Variants in ARHGAP32 observed in about 807,000 individuals in gnomAD.
The protein encoded by ARHGAP32 is Rho GTPase activating protein 32.
ARHGAP32 carries 51 observed loss-of-function variants against 186.5 expected under a neutral mutation model. That is an observed-to-expected ratio of 0.27 (90% CI 0.22 to 0.35). The LOEUF (loss-of-function observed/expected upper bound fraction) is 0.35, where lower values mean the gene tolerates loss of function less well. Ranked by LOEUF, ARHGAP32 falls within the 10% of genes least tolerant of loss-of-function variation. The pLI, the probability that ARHGAP32 is intolerant of heterozygous loss-of-function variation, is 1.00. For missense variants in ARHGAP32, 2,186 were observed against 2,623.5 expected, an observed-to-expected ratio of 0.83 and a Z score of 3.64; for synonymous variants, 950 against 964.3, an observed-to-expected ratio of 0.99 and a Z score of 0.27.
At chr11:128,972,358 T>G in intron 22 of ARHGAP32, 95 bp downstream of exon 22, 1 of 1,373,582 alleles carries the variant, frequency 7.3e-7, no homozygotes, top group South Asian at 1.8e-5. Flanking sequence ...AAGTAATTGT[T>G]GTGTCTGACT....
intron 1 of ARHGAP32, among the ~76,000 whole-genome samples, chr11:129,211,409 T>C (rs10893994): frequency 0.19 from 29,632 of 152,138 alleles, 3,083 homozygotes; most frequent in Non-Finnish European, 0.23. Flanking sequence ...ATTTACTATA[T>C]ATTCCTTTAG....
intron 1 of ARHGAP32, among the ~76,000 whole-genome samples, chr11:129,231,771 T>C (rs1944861821): frequency 6.6e-6 from 1 of 151,978 alleles, no homozygotes; most frequent in Admixed American, 6.6e-5. Flanking sequence ...ATGCCGGTAA[T>C]CCTAGCACTT....
chr11:129,174,127 G>A (rs192170434), intron 1 of ARHGAP32, among the ~76,000 whole-genome samples: 10 of 152,316 alleles, frequency 6.6e-5, no homozygotes, highest in East Asian at 5.8e-4. Flanking sequence ...TGCCTCACTC[G>A]GGAAGCGCAG....
At chr11:129,067,839 G>A (rs1940745683) in intron 6 of ARHGAP32, among the ~76,000 whole-genome samples, 1 of 152,026 alleles carries the variant, frequency 6.6e-6, no homozygotes, top group South Asian at 2.1e-4. Flanking sequence ...ATGAGAGGGT[G>A]CTGATTTCTA....
intron 1 of ARHGAP32, among the ~76,000 whole-genome samples, chr11:129,186,873 G>GC: frequency 6.6e-6 from 1 of 152,282 alleles, no homozygotes; most frequent in South Asian, 2.1e-4. Flanking sequence ...ACAAATGCCG[G>GC]CAACAATGTG....
chr11:128,995,543 T>C (rs1256424001), intron 12 of ARHGAP32, among the ~76,000 whole-genome samples: 1 of 152,356 alleles, frequency 6.6e-6, no homozygotes, highest in African/African-American at 2.4e-5. Flanking sequence ...TCAACATTTA[T>C]AGAACATTCC....
chr11:129,123,740 TA>T lies in ARHGAP32; in HGVS notation c.359+147del. The T allele has an allele frequency of 1.6e-5, 12 of 747,902 alleles. No individual in the cohort carries two copies. The highest frequency in any genetic ancestry group is 1.9e-5 in the South Asian group (1 of 53,688). The allele number at this position is 747,902 out of a possible 1,614,324, so 46.3% of individuals were successfully genotyped here. A position where few individuals can be genotyped will look rare whatever the true frequency, so the allele number is the denominator to read the frequency against. On this transcript the variant is annotated intron_variant, in intron 4 of 22. Coordinates refer to ENST00000682385, the MANE Select transcript of ARHGAP32 (RefSeq NM_001378024.1). The surrounding 1 kb of genome is among the most constrained non-coding windows in gnomAD (Gnocchi z 4.6). ...TTAGTGTACAGATCAAAACCCAAAATAAAAAAAGCATCACCGTTATCTCCTA... is the reference window on the plus strand; with the variant it reads ...TTAGTGTACAGATCAAAACCCAAAATAAAAAAGCATCACCGTTATCTCCTA...
intron 11 of ARHGAP32, among the ~76,000 whole-genome samples, chr11:129,029,801 C>CAAAAAAAAAAAA (rs34762356): frequency 4.3e-5 from 2 of 46,944 alleles, no homozygotes; most frequent in African/African-American, 2.2e-4. Flanking sequence ...GACTCCGTCT[C>CAAAAAAAAAAAA]AAAAAAAAAA....
chr11:129,166,723 G>T (rs1269907506), intron 1 of ARHGAP32, among the ~76,000 whole-genome samples: 1 of 150,796 alleles, frequency 6.6e-6, no homozygotes, highest in Non-Finnish European at 1.5e-5. Context: ...ACCACCAAGA[G>T]ACTGCAATAA....
chr11:129,088,994 T>TGAAAAAAAAAAAAAAAAAAAAA (rs1565416702), intron 6 of ARHGAP32, among the ~76,000 whole-genome samples: 1 of 65,572 alleles, frequency 1.5e-5, no homozygotes. Flanking sequence ...AGAGACCTTG[T>TGAAAAAAAAAAAAAAAAAAAAA]CAAAAAAAAA....
At chr11:129,251,464 A>C (rs1259600050) in intron 1 of ARHGAP32, among the ~76,000 whole-genome samples, 1 of 152,188 alleles carries the variant, frequency 6.6e-6, no homozygotes, top group African/African-American at 2.4e-5. Context: ...ACAGAAAATG[A>C]CATCTAAGTT....
rs2136062417 is a variant in ARHGAP32 at position 128,970,196 on chromosome 11, A to G, written c.5017T>C (p.Ser1673Pro). 3 of 1,614,192 alleles carry G rather than the reference A, an allele frequency of 1.9e-6. No individual in the cohort carries two copies. In the East Asian group the frequency reaches 6.7e-5, roughly 36 times the overall value. ...RYSPYSSSSS[S>P]YYSPDGALCD... ...AGGGCCCCATCTGGACTGTAATAGG[A>G]ACTAGAAGAACTGGAATATGGGCTA... is the stretch of plus-strand genomic sequence containing the variant. Residue 1673 changes from serine to proline, a missense_variant, in exon 23 of 23, where the codon TCC (serine) becomes CCC (proline). This residue lies in a region of ARHGAP32 where 1,502 missense variants were observed against 1,570.0 expected (regional missense o/e 0.96). Transcript: ENST00000682385. The surrounding 1 kb of genome is among the most constrained non-coding windows in gnomAD (Gnocchi z 5.8).
rs902506469 is a variant in ARHGAP32 at position 128,969,445 on chromosome 11, T to C, written c.5768A>G (p.Lys1923Arg). 8.1e-6 allele frequency: 13 copies of C among 1,614,062 alleles called. No homozygotes were observed. Among genetic ancestry groups the C allele is most frequent in the Non-Finnish European group, 1.1e-5 (13 of 1,180,040 alleles). The change falls in exon 23 of 23, where the codon AAA becomes AGA. Residue 1923 changes from lysine to arginine, a missense_variant. This residue lies in a region of ARHGAP32 where 1,502 missense variants were observed against 1,570.0 expected (regional missense o/e 0.96). Transcript: ENST00000682385. This position sits in a 1 kb window ranked among gnomAD's most constrained non-coding sequence, Gnocchi z 4.8. ...TGGCTCAGAAGTGTCTGGAATCCCT[T>C]TGGACCCATAATCTAACTGGCCAGC... is the stretch of plus-strand genomic sequence containing the variant. Reference protein sequence around the residue: ...QGAGQLDYGSKGIPDTSEPVS... With the variant: ...QGAGQLDYGSRGIPDTSEPVS...
intron 2 of ARHGAP32, among the ~76,000 whole-genome samples, chr11:129,141,362 A>G (rs1028975058): frequency 6.6e-6 from 1 of 152,160 alleles, no homozygotes; most frequent in Non-Finnish European, 1.5e-5. Context: ...TGAGCAAACT[A>G]TTGCAAGGGA....
intron 12 of ARHGAP32, 38 bp downstream of exon 12, chr11:128,998,281 A>G: frequency 6.8e-7 from 1 of 1,475,188 alleles, no homozygotes; most frequent in Non-Finnish European, 9.1e-7. Context: ...TGGAGAGGTC[A>G]GAAACTCAGA....
At chr11:129,086,500 C>T (rs935063651) in intron 6 of ARHGAP32, among the ~76,000 whole-genome samples, 1 of 152,102 alleles carries the variant, frequency 6.6e-6, no homozygotes, top group Non-Finnish European at 1.5e-5. Flanking sequence ...AGAACATAAG[C>T]CATAAATCGA....
At chr11:129,066,502 T>C (rs563789845) in intron 7 of ARHGAP32, among the ~76,000 whole-genome samples, 1 of 152,190 alleles carries the variant, frequency 6.6e-6, no homozygotes, top group South Asian at 2.1e-4. Flanking sequence ...TATATATTGC[T>C]TGTTGATATA....
intron 11 of ARHGAP32, among the ~76,000 whole-genome samples, chr11:129,032,440 T>C (rs189175690): frequency 6.6e-6 from 1 of 152,280 alleles, no homozygotes; most frequent in Non-Finnish European, 1.5e-5. Context: ...AAAAATGAAA[T>C]GTTTCTTACT....
intron 10 of ARHGAP32, among the ~76,000 whole-genome samples, chr11:129,051,569 C>T (rs893968015): frequency 6.6e-6 from 1 of 152,134 alleles, no homozygotes; most frequent in Non-Finnish European, 1.5e-5. Flanking sequence ...GTTCTTCTGA[C>T]GTCACATTAA....
Sources: gnomAD v4.1 joint callset for allele counts (sites outside exome capture counted in the v4.1 genomes callset) on GRCh38, gnomAD v4.1.1 for gene constraint, gnomAD v4.1.1 regional missense constraint, Gnocchi (gnomAD v3.1) non-coding constraint, MANE v1.5 for transcripts, NCBI Gene and HGNC (gene_info 2026-07-23, HGNC 2026-07-21) for gene names.